Variants in LRRC7 observed in about 807,000 individuals in gnomAD.
LRRC7 encodes leucine rich repeat containing 7.
LRRC7 carries 23 observed loss-of-function variants against 175.7 expected under a neutral mutation model. The ratio of observed to expected loss-of-function variants is 0.13; its 90% confidence interval spans 0.09 to 0.19. The LOEUF (loss-of-function observed/expected upper bound fraction) is 0.19, where lower values mean the gene tolerates loss of function less well. Ranked by LOEUF, LRRC7 falls within the 10% of genes least tolerant of loss-of-function variation. The pLI, the probability that LRRC7 is intolerant of heterozygous loss-of-function variation, is 1.00. For missense variants in LRRC7, 1,354 were observed against 1,904.7 expected (o/e 0.71, Z 5.38); for synonymous variants, 685 against 680.9 (o/e 1.01, Z -0.09).
chr1:70,086,786 A>T (rs1471217441), intron 24 of LRRC7, among the ~76,000 whole-genome samples: 1 of 152,212 alleles, frequency 6.6e-6, no homozygotes, highest in Non-Finnish European at 1.5e-5. Flanking sequence ...GGTTCTCATT[A>T]AATAAGCTAT....
chr1:69,886,003 C>A (rs1262152880), intron 7 of LRRC7, among the ~76,000 whole-genome samples: 1 of 144,994 alleles, frequency 6.9e-6, no homozygotes, highest in Non-Finnish European at 1.5e-5. Flanking sequence ...AATCTCTGTT[C>A]TTTTACATTT....
intron 2 of LRRC7, among the ~76,000 whole-genome samples, chr1:69,730,758 C>A (rs896235360): frequency 7.2e-5 from 11 of 152,124 alleles, no homozygotes; most frequent in African/African-American, 2.4e-4. Flanking sequence ...TCCACATTTT[C>A]AGCTATCTTT....
At chr1:69,736,391 T>G (rs1668118635) in intron 2 of LRRC7, among the ~76,000 whole-genome samples, 1 of 152,138 alleles carries the variant, frequency 6.6e-6, no homozygotes, top group African/African-American at 2.4e-5. Flanking sequence ...TTTTCTATTT[T>G]TAGCTTTTTA....
chr1:69,927,363 A>G (rs991384792), intron 7 of LRRC7, among the ~76,000 whole-genome samples: 14 of 152,064 alleles, frequency 9.2e-5, no homozygotes, highest in Non-Finnish European at 1.8e-4. Flanking sequence ...CTGCCTTGCT[A>G]GATTGGGGAA....
At chr1:69,891,954 G>C (rs150006837) in intron 7 of LRRC7, among the ~76,000 whole-genome samples, 1 of 145,190 alleles carries the variant, frequency 6.9e-6, no homozygotes, top group African/African-American at 2.5e-5. Flanking sequence ...AAAATGACAC[G>C]TGCCTGTATT....
At chr1:69,945,762 T>A (rs1649240041) in intron 8 of LRRC7, among the ~76,000 whole-genome samples, 1 of 152,148 alleles carries the variant, frequency 6.6e-6, no homozygotes, top group South Asian at 2.1e-4. Context: ...CTATGATAAA[T>A]GGGATTTTCC....
At chr1:69,944,042 A>G (rs1011427562) in intron 8 of LRRC7, among the ~76,000 whole-genome samples, 1 of 151,516 alleles carries the variant, frequency 6.6e-6, no homozygotes, top group Non-Finnish European at 1.5e-5. Flanking sequence ...ATTATTGTGA[A>G]CTACTAAGCA....
intron 7 of LRRC7, among the ~76,000 whole-genome samples, chr1:69,900,854 T>C (rs1172611720): frequency 1.3e-5 from 2 of 152,154 alleles, no homozygotes; most frequent in Non-Finnish European, 2.9e-5. Flanking sequence ...CTAGCTTTAA[T>C]CTCATGACCT....
intron 3 of LRRC7, among the ~76,000 whole-genome samples, chr1:69,784,799 T>C (rs1001997817): frequency 6.6e-6 from 1 of 152,214 alleles, no homozygotes; most frequent in African/African-American, 2.4e-5. Context: ...TCCATTATCA[T>C]TTATTCTTTG....
rs1653920419 is a variant in LRRC7, at chr1:69,986,167, G to A, written c.787-75G>A. 5.9e-6 allele frequency: 8 copies of A among 1,363,766 alleles called. No homozygotes were observed. In the Admixed American group the frequency reaches 1.4e-4, roughly 23 times the overall value. 84.5% of individuals were successfully genotyped at this position (1,363,766 alleles called of 1,614,324 possible). On this transcript the variant is annotated intron_variant, in intron 9 of 26. Transcript: ENST00000651989. Reference sequence around the variant, plus strand: ...TTGCTTTTAAAATAAACTTTACAGTGTAGTGGTTCTTACAACTTTAAAATG... The same window carrying A: ...TTGCTTTTAAAATAAACTTTACAGTATAGTGGTTCTTACAACTTTAAAATG...
At chr1:69,685,462 G>A (rs1315161081) in intron 2 of LRRC7, among the ~76,000 whole-genome samples, 1 of 151,958 alleles carries the variant, frequency 6.6e-6, no homozygotes, top group Non-Finnish European at 1.5e-5. Flanking sequence ...AATGCTTCAG[G>A]AGACAATTAT....
At chr1:69,717,379 G>A (rs1665490028) in intron 2 of LRRC7, among the ~76,000 whole-genome samples, 1 of 151,536 alleles carries the variant, frequency 6.6e-6, no homozygotes, top group South Asian at 2.1e-4. Context: ...ATGAATGACA[G>A]GTCATGAATG....
chr1:69,701,884 T>C (rs1464802390), intron 2 of LRRC7, among the ~76,000 whole-genome samples: 1 of 152,204 alleles, frequency 6.6e-6, no homozygotes, highest in Non-Finnish European at 1.5e-5. Flanking sequence ...ATATCACTAG[T>C]GTTATACAAG....
At chr1:69,816,058 G>A (rs930895903) in intron 4 of LRRC7, among the ~76,000 whole-genome samples, 1 of 151,886 alleles carries the variant, frequency 6.6e-6, no homozygotes, top group African/African-American at 2.4e-5. Context: ...TCAGCTCACT[G>A]CAATCCCCAC....
intron 11 of LRRC7, among the ~76,000 whole-genome samples, 191 bp downstream of exon 11, chr1:69,994,824 G>T (rs1202733693): frequency 2.6e-5 from 4 of 151,890 alleles, no homozygotes; most frequent in Non-Finnish European, 4.4e-5. Flanking sequence ...CATTGCATTT[G>T]ATATCCAACT....
chr1:69,928,523 C>A (rs1647166549), intron 7 of LRRC7, among the ~76,000 whole-genome samples: 1 of 152,240 alleles, frequency 6.6e-6, no homozygotes, highest in South Asian at 2.1e-4. Context: ...GGGCGCCCCT[C>A]CCCCAGCGTT....
At chr1:69,985,698 A>G (rs1244758556) in intron 9 of LRRC7, among the ~76,000 whole-genome samples, 1 of 152,186 alleles carries the variant, frequency 6.6e-6, no homozygotes, top group African/African-American at 2.4e-5. Flanking sequence ...GGATTTGCAT[A>G]TTCTGGACAT....
chr1:69,586,639 TTTA>T (rs66539867), intron 1 of LRRC7, among the ~76,000 whole-genome samples: 33,675 of 151,924 alleles, frequency 0.22, 5,377 homozygotes, highest in African/African-American at 0.45. Flanking sequence ...ATAACTGTTA[TTTA>T]TTATTATCAT....
rs1489383176 is a variant in LRRC7, at chr1:69,915,110, A to G, written c.648-16397A>G. ...AGCAAGTCACCAATTCTCCTCTAGT[A>G]AAAAGGGAGTGTCTCCCTTTGCTGA... On this transcript the variant is annotated intron_variant, in intron 7 of 26. Coordinates refer to ENST00000651989, the MANE Select transcript of LRRC7 (RefSeq NM_001370785.2). 4.6e-5 allele frequency among the ~76,000 whole-genome samples: 7 copies of G among 152,180 alleles called. No individual in the cohort carries two copies. In the East Asian group the frequency reaches 1.3e-3, roughly 29 times the overall value.
Sources: allele counts gnomAD v4.1 joint callset (sites outside exome capture counted in the v4.1 genomes callset), GRCh38; gene constraint gnomAD v4.1.1; transcripts MANE v1.5; gene names NCBI Gene and HGNC (gene_info 2026-07-23, HGNC 2026-07-21).